UNC79: variants seen among roughly 807,000 people sequenced by gnomAD.
The protein encoded by UNC79 is protein unc-79 homolog.
UNC79 carries 37 observed loss-of-function variants against 283.1 expected under a neutral mutation model. The ratio of observed to expected loss-of-function variants is 0.13; its 90% CI spans 0.10 to 0.17. The LOEUF (loss-of-function observed/expected upper bound fraction) is 0.17. UNC79 is among the 10% of genes least tolerant of loss of function. The pLI is 1.00. For missense variants in UNC79, 2,272 were observed against 3,211.1 expected, an observed-to-expected ratio of 0.71 and a Z score of 7.07; for synonymous variants, 1,107 against 1,200.2, an observed-to-expected ratio of 0.92 and a Z score of 1.61.
intron 1 of UNC79, among the ~76,000 whole-genome samples, chr14:93,385,748 C>A (rs959570613): frequency 2.0e-5 from 3 of 149,402 alleles, no homozygotes; most frequent in Non-Finnish European, 4.4e-5. Context: ...CACTGCACTC[C>A]AGCCTGGGTG....
chr14:93,537,808 C>T (rs753143025), intron 11 of UNC79, among the ~76,000 whole-genome samples, 181 bp from the exon 12 acceptor site: 1 of 152,182 alleles, frequency 6.6e-6, no homozygotes, highest in Non-Finnish European at 1.5e-5. Flanking sequence ...ACACTCCTCG[C>T]CTTTATTTTT....
At chr14:93,426,906 T>C (rs1489677697), upstream of UNC79, among the ~76,000 whole-genome samples, 1 of 152,196 alleles carries the variant, frequency 6.6e-6, no homozygotes, top group East Asian at 1.9e-4. Flanking sequence ...CTTGTTTCTT[T>C]GTGTGTCATG....
intron 26 of UNC79, among the ~76,000 whole-genome samples, chr14:93,605,933 GC>G (rs1344479561): frequency 1.3e-5 from 2 of 152,132 alleles, no homozygotes; most frequent in Non-Finnish European, 2.9e-5. Context: ...CCTCTACCTT[GC>G]CTTACACATC....
At chr14:93,567,936 G>A (rs1372140351) in intron 14 of UNC79, among the ~76,000 whole-genome samples, 1 of 152,142 alleles carries the variant, frequency 6.6e-6, no homozygotes, top group East Asian at 1.9e-4. Context: ...GGGACAACTC[G>A]AAACAGGGAG....
At chr14:93,570,138 A>G (rs2141583977) in intron 14 of UNC79, among the ~76,000 whole-genome samples, 1 of 152,192 alleles carries the variant, frequency 6.6e-6, no homozygotes, top group African/African-American at 2.4e-5. Flanking sequence ...GTTTAGATAC[A>G]GGGTCTCACT....
At chr14:93,386,111 T>C (rs2054770003) in intron 1 of UNC79, among the ~76,000 whole-genome samples, 1 of 152,240 alleles carries the variant, frequency 6.6e-6, no homozygotes, top group African/African-American at 2.4e-5. Context: ...TGTGGGTCTA[T>C]CATATATGGC....
chr14:93,417,347 G>T (rs1340108296), intron 1 of UNC79, among the ~76,000 whole-genome samples: 2 of 152,130 alleles, frequency 1.3e-5, no homozygotes, highest in East Asian at 3.8e-4. Context: ...TTGAATATTG[G>T]CCCCAACTCT....
In UNC79 at chr14:93,553,488, G is replaced by T. The variant is rs765437117; in HGVS notation, c.1755+10792G>T. On this transcript the variant is annotated intron_variant, in intron 14 of 48. Coordinates refer to ENST00000555664, the Ensembl canonical transcript of UNC79. ...GACCTGCATCCAAGAGTATCCATGA[G>T]AGTCCTTTAGCTGATTATAAATCTT... is the stretch of plus-strand genomic sequence containing the variant. Among the ~76,000 whole-genome samples, 28 of 152,272 alleles carry T rather than the reference G, an allele frequency of 1.8e-4. No homozygotes were observed. In the East Asian group the frequency reaches 5.4e-3, roughly 29 times the overall value.
rs373165739 is a variant in UNC79 at position 93,343,661 on chromosome 14, A to T, written c.-351+10138A>T. ...GAGATATTTGGGGCTGAGGTAGTGC[A>T]ATCTTAATTCATTATATAATTTTCT... On this transcript the variant is annotated intron_variant, in intron 1 of 49. Coordinates refer to the UNC79 transcript ENST00000256339. Among the ~76,000 whole-genome samples, 12 of 152,296 alleles carry T rather than the reference A, an allele frequency of 7.9e-5. No homozygotes were observed. The East Asian group carries it at 1.5e-3, about 20-fold the overall frequency.
At chr14:93,484,804 T>C (rs1442628879) in intron 4 of UNC79, among the ~76,000 whole-genome samples, 2 of 152,232 alleles carry the variant, frequency 1.3e-5, no homozygotes, top group Admixed American at 6.5e-5. Flanking sequence ...TTATTCAGTC[T>C]GTTAGAAGGC....
chr14:93,565,686 A>G lies in UNC79; in HGVS notation c.1756-6208A>G, dbSNP rs549037997. On this transcript the variant is annotated intron_variant, in intron 14 of 48. Coordinates refer to ENST00000555664, the Ensembl canonical transcript of UNC79. ...TTGCTTTAACAGCAAACTAACAGTC[A>G]GTAGCTTCACACTGAAACAGACAGA... Among the ~76,000 whole-genome samples the G allele has an allele frequency of 2.8e-3, 424 of 149,508 alleles. 3 individuals are homozygous for G. The highest frequency in any genetic ancestry group is 1.0e-2 in the African/African-American group (406 of 40,664).
chr14:93,349,937 TA>T (rs202058856), intron 1 of UNC79, among the ~76,000 whole-genome samples: 2,001 of 152,050 alleles, frequency 0.013, 55 homozygotes, highest in African/African-American at 0.046. Context: ...CTGTTAAAAA[TA>T]AAAAAAATTA....
chr14:93,706,624 G>T (rs1886943319), intron 48 of UNC79, 80 bp from the exon 52 acceptor site: 13 of 1,548,134 alleles, frequency 8.4e-6, no homozygotes, highest in Non-Finnish European at 1.1e-5. Context: ...AATTCTGCCT[G>T]CAAGAAGCCG....
In UNC79 at chr14:93,360,488, AT is replaced by A. The variant is rs560732104; in HGVS notation, c.-351+26967del. ...GCAGCTCTGTACCAGATGCGGTTTC[AT>A]TGCTTGAGCAAATTAACACATTTCC... On this transcript the variant is annotated intron_variant, in intron 1 of 49. Coordinates refer to the UNC79 transcript ENST00000256339. Among the ~76,000 whole-genome samples the A allele has an allele frequency of 1.1e-3, 165 of 152,292 alleles. 1 individual carries two copies. Among genetic ancestry groups the A allele is most frequent in the Admixed American group, 2.9e-3 (44 of 15,298 alleles).
chr14:93,451,870 T>C (rs911556597), intron 1 of UNC79, among the ~76,000 whole-genome samples: 7 of 152,246 alleles, frequency 4.6e-5, no homozygotes, highest in African/African-American at 1.7e-4. Context: ...CCAAGTCAAC[T>C]GCTACTTGTC....
At chr14:93,696,507 A>G (rs990004738) in intron 47 of UNC79, among the ~76,000 whole-genome samples, 1 of 152,184 alleles carries the variant, frequency 6.6e-6, no homozygotes, top group Admixed American at 6.5e-5. Flanking sequence ...AATATTAATT[A>G]TTCTAAGAGT....
intron 1 of UNC79, among the ~76,000 whole-genome samples, chr14:93,351,073 T>C (rs972423533): frequency 1.6e-4 from 24 of 152,206 alleles, no homozygotes; most frequent in African/African-American, 5.3e-4. Flanking sequence ...TTTCAACAGG[T>C]TTGACTTTTG....
At chr14:93,404,513 T>TATATGTATATATATATATATATAA (rs1229909876) in intron 1 of UNC79, among the ~76,000 whole-genome samples, 1 of 113,294 alleles carries the variant, frequency 8.8e-6, no homozygotes, top group Non-Finnish European at 1.8e-5. Flanking sequence ...TATATATATA[T>TATATGTATATATATATATATATAA]AAATATATAC....
chr14:93,399,934 C>T (rs1420610650), intron 1 of UNC79, among the ~76,000 whole-genome samples: 2 of 152,086 alleles, frequency 1.3e-5, no homozygotes, highest in African/African-American at 2.4e-5. Flanking sequence ...ATTAATGGGA[C>T]CCATGACCGC....
Sources: gnomAD v4.1 joint callset for allele counts (sites outside exome capture counted in the v4.1 genomes callset) on GRCh38, gnomAD v4.1.1 for gene constraint, MANE v1.5 for transcripts, NCBI Gene and HGNC (gene_info 2026-07-23, HGNC 2026-07-21) for gene names.